The following CADPS variants were observed in gnomAD, a reference collection of about 807,000 sequenced individuals.
CADPS encodes calcium-dependent secretion activator 1.
CADPS carries 57 observed loss-of-function variants against 167.3 expected under a neutral mutation model. The observed-to-expected ratio is 0.34, with a 90% CI of 0.28 to 0.42. The LOEUF is 0.42. Ranked by LOEUF, CADPS falls within the 20% of genes least tolerant of loss-of-function variation. The pLI is 1.00. For synonymous variants in CADPS, 676 were observed against 635.3 expected (o/e 1.06, Z -0.96); for missense variants, 1,414 against 1,738.1 (o/e 0.81, Z 3.32).
intron 1 of CADPS, among the ~76,000 whole-genome samples, chr3:62,805,445 C>A (rs893430587): frequency 3.3e-5 from 5 of 152,146 alleles, no homozygotes; most frequent in Non-Finnish European, 1.5e-5. Flanking sequence ...TGATTTCACA[C>A]TGGGGTTGGT....
intron 1 of CADPS, among the ~76,000 whole-genome samples, chr3:62,853,803 G>A (rs1178274709): frequency 6.6e-6 from 1 of 150,926 alleles, no homozygotes. Context: ...TCTACAAAAA[G>A]TACTTAGCCA....
chr3:62,831,512 T>A (rs1396555594), intron 1 of CADPS, among the ~76,000 whole-genome samples: 1 of 152,058 alleles, frequency 6.6e-6, no homozygotes, highest in African/African-American at 2.4e-5. Context: ...CATTACCAAA[T>A]TACTGCGAGG....
At chr3:62,467,427 G>T in intron 24 of CADPS, 1 of 467,454 alleles carries the variant, frequency 2.1e-6, no homozygotes, top group Non-Finnish European at 3.2e-6. Flanking sequence ...AAAAGTCTAT[G>T]TAAACATATG....
chr3:62,769,582 C>T (rs537812585), intron 1 of CADPS, among the ~76,000 whole-genome samples: 29 of 152,232 alleles, frequency 1.9e-4, no homozygotes, highest in Admixed American at 5.2e-4. Context: ...AGAATGCCTG[C>T]CTCTGGGGAC....
chr3:62,484,534 T>C lies in CADPS; in HGVS notation c.3027-2665A>G, dbSNP rs1159875479. On this transcript the variant is annotated intron_variant, in intron 21 of 29. Transcript: ENST00000383710. ...AGTATGAATTGCAATCCTAACAACT[T>C]ATATGCATTAAAATTTACACTCTTT... Among the ~76,000 whole-genome samples the C allele has an allele frequency of 2.4e-4, 36 of 152,146 alleles. 1 individual carries two copies. Among genetic ancestry groups the C allele is most frequent in the Admixed American group, 2.4e-3 (36 of 15,274 alleles).
chr3:62,403,372 T>C (rs1010106457), intron 28 of CADPS, 187 bp from the exon 29 acceptor site: 2 of 487,508 alleles, frequency 4.1e-6, no homozygotes, highest in East Asian at 3.3e-5. Context: ...TACTGGGTAC[T>C]GGACCAATCC....
rs1382603871 is a variant in CADPS at position 62,418,318 on chromosome 3, TTCTC to T, written c.3778-15137_3778-15134del. On this transcript the variant is annotated intron_variant, in intron 28 of 29. Transcript: ENST00000383710. ...ACATGTTTTCTTTTTCTTTTCTTTT[TTCTC>T]TCTTTTTTTTTTTTTTTTTTTTGAG... 1.3e-4 allele frequency among the ~76,000 whole-genome samples: 19 copies of T among 148,502 alleles called. No individual in the cohort carries two copies. In the South Asian group the frequency reaches 3.1e-3, roughly 25 times the overall value.
At chr3:62,498,837 C>A (rs536557507) in intron 18 of CADPS, among the ~76,000 whole-genome samples, 3 of 150,102 alleles carry the variant, frequency 2.0e-5, no homozygotes, top group South Asian at 4.4e-4. Context: ...AAAACAACCA[C>A]AAAAAACCAA....
chr3:62,647,711 A>G (rs1382650222), intron 5 of CADPS, among the ~76,000 whole-genome samples: 4 of 152,236 alleles, frequency 2.6e-5, no homozygotes, highest in African/African-American at 9.6e-5. Flanking sequence ...TGGAAGGCAC[A>G]GTGAAAGAGC....
intron 26 of CADPS, among the ~76,000 whole-genome samples, chr3:62,450,233 A>T (rs2057840497): frequency 6.6e-6 from 1 of 152,034 alleles, no homozygotes; most frequent in African/African-American, 2.4e-5. Context: ...TGCACTGAGA[A>T]CTCACCCTCT....
Position 62,454,382 on chromosome 3 carries a change from C to T in CADPS, c.3637-8585G>A, listed in dbSNP as rs564241889. Reference sequence around the variant, plus strand: ...TTCACGTCTTCTAAGGACTTGTCTTCTTCCTTTATGAATGAGGAAACTGGG... The same window carrying T: ...TTCACGTCTTCTAAGGACTTGTCTTTTTCCTTTATGAATGAGGAAACTGGG... On this transcript the variant is annotated intron_variant, in intron 26 of 29. Coordinates refer to ENST00000383710, the MANE Select transcript of CADPS (RefSeq NM_003716.4). 4.6e-5 allele frequency among the ~76,000 whole-genome samples: 7 copies of T among 152,296 alleles called. No homozygotes were observed. In the South Asian group the frequency reaches 1.2e-3, roughly 27 times the overall value.
At chr3:62,449,211 C>T (rs190167693) in intron 26 of CADPS, among the ~76,000 whole-genome samples, 1 of 152,210 alleles carries the variant, frequency 6.6e-6, no homozygotes, top group Non-Finnish European at 1.5e-5. Context: ...TGATAGAGAC[C>T]TCCACCTCAC....
At chr3:62,599,330 T>C (rs1421267673) in intron 6 of CADPS, among the ~76,000 whole-genome samples, 1 of 150,968 alleles carries the variant, frequency 6.6e-6, no homozygotes, top group African/African-American at 2.4e-5. Context: ...CCACCAATTA[T>C]TGAGTACTTA....
chr3:62,667,382 C>T (rs2074657210), intron 3 of CADPS, among the ~76,000 whole-genome samples: 2 of 151,806 alleles, frequency 1.3e-5, no homozygotes, highest in Admixed American at 1.3e-4. Context: ...TGTTCTGATC[C>T]TTAGTTTGCC....
intron 24 of CADPS, among the ~76,000 whole-genome samples, chr3:62,473,053 G>T (rs974821494): frequency 2.6e-5 from 4 of 152,070 alleles, no homozygotes; most frequent in African/African-American, 9.7e-5. Context: ...ATGCTCTCTG[G>T]GTGAGTTTAA....
chr3:62,761,465 T>C (rs905446776), intron 2 of CADPS, among the ~76,000 whole-genome samples: 1 of 152,078 alleles, frequency 6.6e-6, no homozygotes, highest in African/African-American at 2.4e-5. Flanking sequence ...CTTCACTGGC[T>C]GAAGTTCAGA....
intron 5 of CADPS, among the ~76,000 whole-genome samples, chr3:62,646,246 C>G (rs1490021696): frequency 6.7e-6 from 1 of 149,948 alleles, no homozygotes; most frequent in Non-Finnish European, 1.5e-5. Context: ...CTCACTGCAA[C>G]CTCCACCTCC....
intron 6 of CADPS, among the ~76,000 whole-genome samples, chr3:62,641,543 C>G (rs2067416418): frequency 6.6e-6 from 1 of 152,158 alleles, no homozygotes; most frequent in African/African-American, 2.4e-5. Context: ...ATTTCCTTCT[C>G]CATCTCCCTG....
At chr3:62,408,655 T>A (rs1575616178) in intron 28 of CADPS, among the ~76,000 whole-genome samples, 1 of 152,320 alleles carries the variant, frequency 6.6e-6, no homozygotes, top group South Asian at 2.1e-4. Context: ...CCACTCTCAT[T>A]TACATGAGTC....
Sources: gnomAD v4.1 joint callset for allele counts (sites outside exome capture counted in the v4.1 genomes callset) on GRCh38, gnomAD v4.1.1 for gene constraint, MANE v1.5 for transcripts, NCBI Gene and HGNC (gene_info 2026-07-23, HGNC 2026-07-21) for gene names.